The following ULK4 variants were observed in gnomAD, a reference collection of about 807,000 sequenced individuals.
ULK4 encodes inactive serine/threonine-protein kinase ULK4.
A neutral mutation model predicts 160.6 loss-of-function variants in ULK4; 133 were observed. The observed-to-expected ratio is 0.83, with a 90% CI of 0.72 to 0.96. The LOEUF (loss-of-function observed/expected upper bound fraction) is 0.96, where lower values mean the gene tolerates loss of function less well. Ranked by LOEUF, ULK4 falls within the 40% of genes least tolerant of loss-of-function variation. The pLI, the probability that ULK4 is intolerant of heterozygous loss-of-function variation, is 0.00. For synonymous variants in ULK4, 534 were observed against 539.8 expected (o/e 0.99, Z 0.15); for missense variants, 1,580 against 1,499.5 (o/e 1.05, Z -0.89).
At chr3:41,275,221 G>T (rs1223787592) in intron 35 of ULK4, among the ~76,000 whole-genome samples, 1 of 152,190 alleles carries the variant, frequency 6.6e-6, no homozygotes, top group East Asian at 1.9e-4. Context: ...GGGCTTTGGG[G>T]ATCCTCTGGA....
chr3:41,855,904 A>G (rs540273877), intron 17 of ULK4, among the ~76,000 whole-genome samples: 2 of 152,326 alleles, frequency 1.3e-5, no homozygotes, highest in East Asian at 3.9e-4. Context: ...AAAATACAGC[A>G]AAGGTACATT....
intron 32 of ULK4, among the ~76,000 whole-genome samples, chr3:41,476,344 G>T (rs1415316769): frequency 6.6e-6 from 1 of 152,090 alleles, no homozygotes; most frequent in Non-Finnish European, 1.5e-5. Flanking sequence ...ATGGAGGGGA[G>T]AAAAATTAAC....
chr3:41,515,014 G>C (rs1435584784), intron 32 of ULK4, among the ~76,000 whole-genome samples: 2 of 152,090 alleles, frequency 1.3e-5, no homozygotes, highest in Admixed American at 6.5e-5. Context: ...CAGCATGTTG[G>C]GAGGCTGGGG....
At chr3:41,588,485 T>C (rs1288309784) in intron 31 of ULK4, among the ~76,000 whole-genome samples, 7 of 152,172 alleles carry the variant, frequency 4.6e-5, no homozygotes, top group Non-Finnish European at 7.3e-5. Flanking sequence ...CTTTTATCTA[T>C]GGGCAAACTG....
chr3:41,506,620 T>C (rs2085380289), intron 32 of ULK4, among the ~76,000 whole-genome samples: 1 of 151,548 alleles, frequency 6.6e-6, no homozygotes, highest in African/African-American at 2.4e-5. Flanking sequence ...AACTTCTCTG[T>C]TTATTTTCCT....
intron 32 of ULK4, among the ~76,000 whole-genome samples, chr3:41,464,486 A>G (rs910440661): frequency 1.3e-5 from 2 of 152,194 alleles, no homozygotes; most frequent in Admixed American, 1.3e-4. Flanking sequence ...TTATCAAATG[A>G]CAAGGTCTGA....
At chr3:41,733,791 G>T (rs9850961) in intron 22 of ULK4, among the ~76,000 whole-genome samples, 8,245 of 138,046 alleles carry the variant, frequency 0.06, 402 homozygotes, top group East Asian at 0.17. Flanking sequence ...CTGGAGTGCA[G>T]TGGCGCAATC....
At chr3:41,623,727 T>A (rs938583546) in intron 30 of ULK4, among the ~76,000 whole-genome samples, 2 of 152,108 alleles carry the variant, frequency 1.3e-5, no homozygotes, top group African/African-American at 2.4e-5. Context: ...AGGAAAGATA[T>A]AAATCAAAGG....
rs76115364 is a variant in ULK4 at position 41,547,902 on chromosome 3, G to A, written c.3226+18123C>T. 1.1e-3 allele frequency among the ~76,000 whole-genome samples: 170 copies of A among 152,276 alleles called. 3 individuals carry two copies. The East Asian group carries it at 0.033, about 29-fold the overall frequency. On this transcript the variant is annotated intron_variant, in intron 32 of 36. Transcript: ENST00000301831. ...AGGGAGGCTGCTCTTGGGACAAACG[G>A]AGCCAAAACATGCACTCCTCAGAGA... is the stretch of plus-strand genomic sequence containing the variant.
chr3:41,567,237 A>G (rs1344925336), intron 31 of ULK4, among the ~76,000 whole-genome samples: 6 of 152,140 alleles, frequency 3.9e-5, no homozygotes, highest in African/African-American at 1.4e-4. Flanking sequence ...ATGCCAGTGA[A>G]CAAAGTCCCC....
At chr3:41,370,498 C>A (rs992126121) in intron 35 of ULK4, among the ~76,000 whole-genome samples, 1 of 152,108 alleles carries the variant, frequency 6.6e-6, no homozygotes, top group Non-Finnish European at 1.5e-5. Flanking sequence ...GTGCGTACAG[C>A]CCACGGAGCA....
chr3:41,824,606 C>G (rs112809173), intron 18 of ULK4, among the ~76,000 whole-genome samples: 1 of 151,966 alleles, frequency 6.6e-6, no homozygotes, highest in Non-Finnish European at 1.5e-5. Flanking sequence ...AAGGCAGCAG[C>G]GATGCTGGGG....
chr3:41,947,838 AG>A (rs1700158136), intron 2 of ULK4, among the ~76,000 whole-genome samples: 1 of 152,134 alleles, frequency 6.6e-6, no homozygotes, highest in Admixed American at 6.5e-5. Context: ...TCAAAAGTAC[AG>A]GATCATTTCG....
At chr3:41,445,124 T>A (rs1281226881) in intron 34 of ULK4, among the ~76,000 whole-genome samples, 4 of 152,146 alleles carry the variant, frequency 2.6e-5, no homozygotes, top group Admixed American at 2.0e-4. Flanking sequence ...CCATTCACAA[T>A]TGCTTCAAAA....
intron 30 of ULK4, among the ~76,000 whole-genome samples, chr3:41,662,787 T>G (rs973697502): frequency 1.3e-5 from 2 of 152,138 alleles, no homozygotes; most frequent in African/African-American, 4.8e-5. Context: ...CTTCCCCTTC[T>G]GTGGACCTCT....
intron 21 of ULK4, among the ~76,000 whole-genome samples, chr3:41,759,101 T>C (rs537771852): frequency 6.6e-6 from 1 of 152,238 alleles, no homozygotes. Context: ...ACAGACAAGG[T>C]GTTTCCCCAG....
chr3:41,777,980 C>T (rs1451458107), intron 21 of ULK4, among the ~76,000 whole-genome samples: 1 of 133,516 alleles, frequency 7.5e-6, no homozygotes, highest in Non-Finnish European at 1.6e-5. Context: ...AAGTTCTGGC[C>T]AGGGCAATCA....
intron 32 of ULK4, among the ~76,000 whole-genome samples, chr3:41,544,953 C>A (rs2086808941): frequency 6.6e-6 from 1 of 152,186 alleles, no homozygotes; most frequent in Non-Finnish European, 1.5e-5. Context: ...AGTTACACTG[C>A]CACCAACTCA....
intron 35 of ULK4, among the ~76,000 whole-genome samples, chr3:41,325,501 A>C (rs1195301566): frequency 1.3e-5 from 2 of 152,238 alleles, no homozygotes; most frequent in Non-Finnish European, 2.9e-5. Context: ...TAAATTCTAG[A>C]ATATACGTTA....
Sources: allele counts gnomAD v4.1 joint callset (sites outside exome capture counted in the v4.1 genomes callset), GRCh38; gene constraint gnomAD v4.1.1; transcripts MANE v1.5; gene names NCBI Gene and HGNC (gene_info 2026-07-23, HGNC 2026-07-21).